CD44: variants seen among roughly 807,000 people sequenced by gnomAD.
The protein encoded by CD44 is CD44 molecule (IN blood group), also known as CD44 antigen.
A neutral mutation model predicts 88.8 loss-of-function variants in CD44; 49 were observed. The observed-to-expected ratio is 0.55, with a 90% CI of 0.44 to 0.70. The LOEUF is 0.70. Among genes scored for constraint, CD44 ranks in the 30% least tolerant of loss-of-function variants. The pLI, the probability that CD44 is intolerant of heterozygous loss-of-function variation, is 0.00. For missense variants in CD44, 883 were observed against 913.8 expected, an observed-to-expected ratio of 0.97 and a Z score of 0.43; for synonymous variants, 325 against 312.3, an observed-to-expected ratio of 1.04 and a Z score of -0.43.
intron 1 of CD44, among the ~76,000 whole-genome samples, chr11:35,152,702 T>G (rs1860577340): frequency 6.6e-6 from 1 of 152,166 alleles, no homozygotes; most frequent in Admixed American, 6.5e-5. Context: ...TTTGGAATGC[T>G]CAGCAGTCTC....
intron 1 of CD44, among the ~76,000 whole-genome samples, chr11:35,175,864 C>CG (rs1944397142): frequency 8.1e-6 from 1 of 123,188 alleles, no homozygotes; most frequent in Non-Finnish European, 1.7e-5. Context: ...TTTGTTTGTT[C>CG]TTTTTTTTTT....
chr11:35,143,389 G>A (rs915100000), intron 1 of CD44, among the ~76,000 whole-genome samples: 1 of 150,804 alleles, frequency 6.6e-6, no homozygotes, highest in Admixed American at 6.6e-5. Flanking sequence ...TGAAGCCGGG[G>A]GTAGCACAGG....
Position 35,231,423 on chromosome 11 carries a change from T to C in CD44, c.*2090T>C, listed in dbSNP as rs1950050217. 1 of 152,200 alleles carries C rather than the reference T, an allele frequency of 6.6e-6. No homozygotes were observed. The highest frequency in any genetic ancestry group is 2.1e-4 in the South Asian group (1 of 4,828). The allele number at this position is 152,200 out of a possible 1,614,324, so 9.4% of individuals were successfully genotyped here. A position where few individuals can be genotyped will look rare whatever the true frequency, so the allele number is the denominator to read the frequency against. Reference sequence around the variant, plus strand: ...GTGATACAAGTCTCATAGCCAGAGATGGTTTTCCACTCCTTCTAGATATTC... The same window carrying C: ...GTGATACAAGTCTCATAGCCAGAGACGGTTTTCCACTCCTTCTAGATATTC... On this transcript the variant is annotated 3_prime_UTR_variant, in exon 18 of 18. Coordinates refer to ENST00000428726, the MANE Select transcript of CD44 (RefSeq NM_000610.4).
intron 16 of CD44, among the ~76,000 whole-genome samples, chr11:35,219,732 A>G (rs1949133448): frequency 6.6e-6 from 1 of 152,182 alleles, no homozygotes; most frequent in Non-Finnish European, 1.5e-5. Flanking sequence ...TTTCTATCCC[A>G]ATCCAATTTC....
chr11:35,158,467 AGTT>A (rs1942189543), intron 1 of CD44, among the ~76,000 whole-genome samples: 1 of 152,188 alleles, frequency 6.6e-6, no homozygotes, highest in African/African-American at 2.4e-5. Context: ...TCTAAAATAG[AGTT>A]GTAATATACC....
At chr11:35,207,905 C>T (rs1212972278) in intron 11 of CD44, among the ~76,000 whole-genome samples, 200 bp from the exon 12 acceptor site, 3 of 152,156 alleles carry the variant, frequency 2.0e-5, no homozygotes, top group African/African-American at 7.2e-5. Flanking sequence ...ATAACTCGGC[C>T]CTTCAAGGAA....
At chr11:35,195,202 A>G (rs1431579225) in intron 5 of CD44, among the ~76,000 whole-genome samples, 1 of 152,204 alleles carries the variant, frequency 6.6e-6, no homozygotes, top group Non-Finnish European at 1.5e-5. Context: ...CTCATTTATT[A>G]ACTTTCATTG....
chr11:35,219,211 T>C, intron 15 of CD44, 105 bp from the exon 16 acceptor site: 1 of 803,166 alleles, frequency 1.2e-6, no homozygotes, highest in Non-Finnish European at 2.2e-6. Context: ...ATAAATGGCT[T>C]CTCAGTGATT....
At chr11:35,198,760 C>T (rs1470723273) in intron 7 of CD44, among the ~76,000 whole-genome samples, 5 of 152,016 alleles carry the variant, frequency 3.3e-5, no homozygotes, top group Admixed American at 3.3e-4. Flanking sequence ...GGGCAGATGA[C>T]GAGGTCAGGA....
chr11:35,179,568 T>G (rs961069990), intron 2 of CD44, among the ~76,000 whole-genome samples: 1 of 152,212 alleles, frequency 6.6e-6, no homozygotes, highest in Non-Finnish European at 1.5e-5. Flanking sequence ...TTCTGGAAAG[T>G]TCCTGAGCTA....
chr11:35,165,236 C>T (rs1400227168), intron 1 of CD44, among the ~76,000 whole-genome samples: 2 of 152,182 alleles, frequency 1.3e-5, no homozygotes, highest in East Asian at 1.9e-4. Context: ...CATCTGAAAA[C>T]CATCAATCTT....
At chr11:35,160,992 T>A (rs1309563907) in intron 1 of CD44, among the ~76,000 whole-genome samples, 1 of 152,194 alleles carries the variant, frequency 6.6e-6, no homozygotes, top group East Asian at 1.9e-4. Flanking sequence ...TGAGAGCCCA[T>A]GTATTGGATA....
At chr11:35,208,350 T>C in intron 12 of CD44, 144 bp downstream of exon 12, 1 of 634,046 alleles carries the variant, frequency 1.6e-6, no homozygotes, top group South Asian at 1.8e-5. Flanking sequence ...GTCTTCATTG[T>C]CTGTATTTCT....
rs1419510408 is a variant in CD44, at chr11:35,194,043, G to A, written c.668-2703G>A. On this transcript the variant is annotated intron_variant, in intron 5 of 17. Transcript: ENST00000428726. ...ACTAGCAACCCAAAGATAATCCAAA[G>A]ATAAATGCATGAAAGCAGTCGTTTG... Among the ~76,000 whole-genome samples, 3 of 152,178 alleles carry A rather than the reference G, an allele frequency of 2.0e-5. No individual in the cohort carries two copies. The South Asian group carries it at 6.2e-4, about 31-fold the overall frequency.
At chr11:35,167,631 C>T (rs140637818) in intron 1 of CD44, among the ~76,000 whole-genome samples, 3 of 152,278 alleles carry the variant, frequency 2.0e-5, no homozygotes, top group African/African-American at 7.2e-5. Flanking sequence ...TTCTGGCTGC[C>T]CAAGTGGTTT....
rs1944493215 is a variant in CD44, at chr11:35,176,591, C to A, written c.84C>A (p.Cys28Ter). 3.7e-6 allele frequency: 6 copies of A among 1,609,490 alleles called. No homozygotes were observed. The highest frequency in any genetic ancestry group is 5.1e-6 in the Non-Finnish European group (6 of 1,178,658). Residue 28 changes from cysteine (C) to a stop codon, truncating the protein, a stop_gained, in exon 2 of 18, where the codon TGC (cysteine) becomes TGA (stop). Transcript: ENST00000428726. LOFTEE classifies it high-confidence loss of function. ...SLAQIDLNITCRFAGVFHVEK... is the reference protein window; with the variant it reads ...SLAQIDLNIT ...TTCCCATAGATTTGAATATAACCTGCCGCTTTGCAGGTGTATTCCACGTGG... is the reference window on the plus strand; with the variant it reads ...TTCCCATAGATTTGAATATAACCTGACGCTTTGCAGGTGTATTCCACGTGG...
intron 1 of CD44, among the ~76,000 whole-genome samples, chr11:35,168,131 A>T (rs1367939616): frequency 6.6e-6 from 1 of 152,130 alleles, no homozygotes; most frequent in Non-Finnish European, 1.5e-5. Flanking sequence ...GAATCAAGGG[A>T]CTTCTGATCT....
intron 1 of CD44, among the ~76,000 whole-genome samples, chr11:35,166,962 G>T (rs1319998091): frequency 6.6e-6 from 1 of 152,190 alleles, no homozygotes; most frequent in Non-Finnish European, 1.5e-5. Flanking sequence ...TTCACCAGGA[G>T]CCCATCACAT....
At chr11:35,147,841 C>A (rs1019359156) in intron 1 of CD44, among the ~76,000 whole-genome samples, 6 of 152,124 alleles carry the variant, frequency 3.9e-5, no homozygotes, top group Non-Finnish European at 7.4e-5. Context: ...GTAATCCCAG[C>A]ACTTTGGGAG....
Sources: gnomAD v4.1 joint callset for allele counts (sites outside exome capture counted in the v4.1 genomes callset) on GRCh38, gnomAD v4.1.1 for gene constraint, MANE v1.5 for transcripts, NCBI Gene and HGNC (gene_info 2026-07-23, HGNC 2026-07-21) for gene names.